The following GRIP1 variants were observed in gnomAD, a reference collection of about 807,000 sequenced individuals.
GRIP1 encodes glutamate receptor-interacting protein 1.
A neutral mutation model predicts 129.9 loss-of-function variants in GRIP1; 45 were observed. The observed-to-expected ratio is 0.35, with a 90% CI of 0.27 to 0.44. The LOEUF (loss-of-function observed/expected upper bound fraction) is 0.44. Among genes scored for constraint, GRIP1 ranks in the 20% least tolerant of loss-of-function variants. The pLI is 1.00. For synonymous variants in GRIP1, 530 were observed against 520.8 expected (o/e 1.02, Z -0.24); for missense variants, 1,196 against 1,396.8 (o/e 0.86, Z 2.29).
chr12:66,854,305 G>C (rs918640206), intron 1 of GRIP1, among the ~76,000 whole-genome samples: 4 of 78,026 alleles, frequency 5.1e-5, no homozygotes, highest in Non-Finnish European at 1.1e-4. Flanking sequence ...GGAGAGGTAA[G>C]TTTAGGGTGA....
chr12:66,474,810 C>CA (rs2059553493), intron 7 of GRIP1, among the ~76,000 whole-genome samples: 1 of 152,188 alleles, frequency 6.6e-6, no homozygotes, highest in Admixed American at 6.5e-5. Flanking sequence ...GCCTGCCCTA[C>CA]AAGAGCTCCT....
chr12:66,830,654 G>A (rs1234451308), intron 1 of GRIP1, among the ~76,000 whole-genome samples: 1 of 152,018 alleles, frequency 6.6e-6, no homozygotes, highest in Non-Finnish European at 1.5e-5. Flanking sequence ...CTAAGTTTGT[G>A]GCAATTTGTT....
chr12:66,644,982 A>G (rs547939604), intron 1 of GRIP1, among the ~76,000 whole-genome samples: 1 of 152,312 alleles, frequency 6.6e-6, no homozygotes, highest in South Asian at 2.1e-4. Flanking sequence ...TACTGGTAGT[A>G]ATAGTATTTC....
At chr12:66,976,958 T>G (rs1489171248) in intron 1 of GRIP1, among the ~76,000 whole-genome samples, 1 of 152,152 alleles carries the variant, frequency 6.6e-6, no homozygotes, top group East Asian at 1.9e-4. Context: ...ATGAGAAATT[T>G]GAGAAACGAA....
chr12:66,915,620 C>A (rs536036750), intron 1 of GRIP1, among the ~76,000 whole-genome samples: 44 of 152,310 alleles, frequency 2.9e-4, no homozygotes, highest in African/African-American at 9.9e-4. Flanking sequence ...GCACAGATCT[C>A]CTAACTGTGT....
chr12:66,591,178 C>T (rs924755474), intron 2 of GRIP1, among the ~76,000 whole-genome samples: 1 of 147,778 alleles, frequency 6.8e-6, no homozygotes, highest in Non-Finnish European at 1.5e-5. Flanking sequence ...CTATGGAAAA[C>T]AAAACAAGAC....
At chr12:66,457,148 CA>C (rs1347764190) in intron 9 of GRIP1, among the ~76,000 whole-genome samples, 1 of 152,064 alleles carries the variant, frequency 6.6e-6, no homozygotes, top group Non-Finnish European at 1.5e-5. Flanking sequence ...ATTCTAGCTT[CA>C]ATATTAAGAT....
chr12:66,563,468 G>GA (rs2062613379), intron 2 of GRIP1: 1 of 152,270 alleles, frequency 6.6e-6, no homozygotes, highest in African/African-American at 2.4e-5. Context: ...ATCTGTGTCA[G>GA]AAAGTCCCAT....
At chr12:66,581,011 A>G (rs980907723) in intron 2 of GRIP1, among the ~76,000 whole-genome samples, 1 of 152,188 alleles carries the variant, frequency 6.6e-6, no homozygotes, top group Admixed American at 6.5e-5. Flanking sequence ...GTTGGAAGTA[A>G]AGCTCTCCTC....
At chr12:67,045,484 T>C (rs1291436348) in intron 1 of GRIP1, among the ~76,000 whole-genome samples, 1 of 152,194 alleles carries the variant, frequency 6.6e-6, no homozygotes, top group African/African-American at 2.4e-5. Context: ...GAGGCAACTT[T>C]CCTGTAAGGG....
At chr12:66,562,463 T>C (rs184775160) in intron 2 of GRIP1, among the ~76,000 whole-genome samples, 76 of 152,328 alleles carry the variant, frequency 5.0e-4, no homozygotes, top group African/African-American at 1.7e-3. Flanking sequence ...AAAATTACTT[T>C]ATGAAGCTTG....
chr12:66,519,370 C>G (rs963079872), intron 5 of GRIP1, among the ~76,000 whole-genome samples: 3 of 152,140 alleles, frequency 2.0e-5, no homozygotes, highest in African/African-American at 7.2e-5. Flanking sequence ...ACCACAAATG[C>G]TTGCCCATAT....
intron 1 of GRIP1, among the ~76,000 whole-genome samples, chr12:66,906,887 G>C (rs1386940122): frequency 6.6e-6 from 1 of 152,184 alleles, no homozygotes; most frequent in Non-Finnish European, 1.5e-5. Context: ...TTGTAGAAAA[G>C]GTTCCCATAG....
At chr12:66,483,726 C>A (rs190455804) in intron 7 of GRIP1, among the ~76,000 whole-genome samples, 1 of 152,174 alleles carries the variant, frequency 6.6e-6, no homozygotes, top group Non-Finnish European at 1.5e-5. Context: ...CACAAGTTTA[C>A]AATTTGATAC....
At chr12:66,433,945 T>C (rs2058225093) in intron 13 of GRIP1, among the ~76,000 whole-genome samples, 1 of 152,168 alleles carries the variant, frequency 6.6e-6, no homozygotes, top group African/African-American at 2.4e-5. Context: ...ACTAACCACA[T>C]AGTTAACACA....
chr12:66,363,448 A>T (rs1012379625), intron 23 of GRIP1, among the ~76,000 whole-genome samples: 9 of 145,818 alleles, frequency 6.2e-5, no homozygotes, highest in Admixed American at 2.1e-4. Context: ...ACTGGGTCTC[A>T]CTATGTTGCC....
intron 13 of GRIP1, among the ~76,000 whole-genome samples, chr12:66,444,263 G>C (rs939352989): frequency 6.6e-6 from 1 of 151,504 alleles, no homozygotes; most frequent in Non-Finnish European, 1.5e-5. Flanking sequence ...GAGGCGGGTG[G>C]ATCATGAGGT....
chr12:66,652,242 A>G (rs932681622), intron 1 of GRIP1, among the ~76,000 whole-genome samples: 1 of 152,016 alleles, frequency 6.6e-6, no homozygotes, highest in African/African-American at 2.4e-5. Context: ...TTAGGAGGTG[A>G]TTGGATCATG....
At chr12:66,535,403 T>C (rs747741210) in intron 4 of GRIP1, among the ~76,000 whole-genome samples, 1 of 152,120 alleles carries the variant, frequency 6.6e-6, no homozygotes, top group Non-Finnish European at 1.5e-5. Context: ...AATGTAATAA[T>C]GGTAATAAGG....
Sources: gnomAD v4.1 joint callset for allele counts (sites outside exome capture counted in the v4.1 genomes callset) on GRCh38, gnomAD v4.1.1 for gene constraint, MANE v1.5 for transcripts, NCBI Gene and HGNC (gene_info 2026-07-23, HGNC 2026-07-21) for gene names.